ELN: variants seen among roughly 807,000 people sequenced by gnomAD.
ELN encodes tropoelastin.
ELN carries 65 observed loss-of-function variants against 105.8 expected under a neutral mutation model. The observed-to-expected ratio is 0.61, with a 90% CI of 0.50 to 0.75. The LOEUF is 0.75. ELN is among the 30% of genes least tolerant of loss of function. The pLI, the probability that ELN is intolerant of heterozygous loss-of-function variation, is 0.00. For missense variants in ELN, 882 were observed against 969.4 expected (o/e 0.91, Z 1.20); for synonymous variants, 368 against 389.2 (o/e 0.95, Z 0.64).
At position 74,028,316 on chromosome 7, in the gene ELN, C is replaced by A. The variant is rs1554660215; in HGVS notation, c.82+47C>A. 3 of 1,578,136 alleles carry A rather than the reference C, an allele frequency of 1.9e-6. No individual in the cohort carries two copies. The South Asian group carries it at 3.4e-5, about 18-fold the overall frequency. ...CCCCAGCGCTGCCCACAGCTGCGGG[C>A]CCTTTGGGCCAGGTGACTAGACGCT... On this transcript the variant is annotated intron_variant, in intron 1 of 32. Coordinates refer to ENST00000252034, the MANE Select transcript of ELN (RefSeq NM_000501.4).
rs1422408400 is a variant in ELN, at chr7:74,063,905, C to A, written c.1993+210C>A. ...ATCACTAGAGGTGAGGAGTTTGAGA[C>A]CAGCCTGGGTGACATGGCGAAACCT... is the stretch of plus-strand genomic sequence containing the variant. On this transcript the variant is annotated intron_variant, in intron 29 of 32. Coordinates refer to ENST00000252034, the MANE Select transcript of ELN (RefSeq NM_000501.4). The surrounding 1 kb of genome is among the most constrained non-coding windows in gnomAD (Gnocchi z 4.1). Among the ~76,000 whole-genome samples, 1 of 151,836 alleles carries A rather than the reference C, an allele frequency of 6.6e-6. No individual in the cohort carries two copies. Among genetic ancestry groups the A allele is most frequent in the African/African-American group, 2.4e-5 (1 of 41,324 alleles).
intron 1 of ELN, among the ~76,000 whole-genome samples, chr7:74,034,182 G>A (rs1005021594): frequency 2.6e-5 from 4 of 152,214 alleles, no homozygotes; most frequent in Admixed American, 6.5e-5. Context: ...GGCTGAGGAC[G>A]CTGACCTCAC....
At chr7:74,054,878 C>A in intron 19 of ELN, 109 bp downstream of exon 19, 1 of 1,263,262 alleles carries the variant, frequency 7.9e-7, no homozygotes, top group Non-Finnish European at 1.1e-6. Flanking sequence ...TGCCCAAGGT[C>A]ACCGAGCAAG....
intron 18 of ELN, among the ~76,000 whole-genome samples, 171 bp downstream of exon 18, chr7:74,053,480 A>G (rs1794570576): frequency 6.6e-6 from 1 of 151,884 alleles, no homozygotes; most frequent in African/African-American, 2.4e-5. Context: ...GGCTATACCA[A>G]TCTCCTTATT....
At position 74,053,743 on chromosome 7, in the gene ELN, G is replaced by A. The variant is rs536260310; in HGVS notation, c.1096+434G>A. Among the ~76,000 whole-genome samples the A allele has an allele frequency of 4.6e-5, 7 of 151,412 alleles. No individual in the cohort carries two copies. The South Asian group carries it at 8.4e-4, about 18-fold the overall frequency. On this transcript the variant is annotated intron_variant, in intron 18 of 32. Coordinates refer to ENST00000252034, the MANE Select transcript of ELN (RefSeq NM_000501.4). ...GGATGGGTGGGTGGATGGATGGATGGGTGGATGGGTGGGTGGATGGATGGA... is the reference window on the plus strand; with the variant it reads ...GGATGGGTGGGTGGATGGATGGATGAGTGGATGGGTGGGTGGATGGATGGA...
At position 74,056,436 on chromosome 7, in the gene ELN, G is replaced by A. The variant is rs782568267; in HGVS notation, c.1315+1G>A. 4.9e-5 allele frequency: 79 copies of A among 1,613,566 alleles called. No individual in the cohort carries two copies. Among genetic ancestry groups the A allele is most frequent in the East Asian group, 4.5e-5 (2 of 44,864 alleles). Reference sequence around the variant, plus strand: ...GGTGTCCCGGGAGTTGGCATTTCCCGTGAGCCTTAGTCACACCTGGGGACA... The same window carrying A: ...GGTGTCCCGGGAGTTGGCATTTCCCATGAGCCTTAGTCACACCTGGGGACA... On this transcript the variant is annotated splice_donor_variant, in intron 20 of 32. Transcript: ENST00000252034. LOFTEE classifies it high-confidence loss of function.
intron 8 of ELN, 187 bp downstream of exon 8, chr7:74,043,355 C>T (rs1047131224): frequency 5.9e-5 from 52 of 887,570 alleles, no homozygotes; most frequent in South Asian, 5.8e-4. Context: ...TGGCCCACTT[C>T]CCGGGCCCTT....
intron 10 of ELN, among the ~76,000 whole-genome samples, chr7:74,045,580 A>T (rs1229114623): frequency 6.6e-6 from 1 of 152,028 alleles, no homozygotes; most frequent in Non-Finnish European, 1.5e-5. Context: ...CTCTACAAAA[A>T]CATGATTAAA....
chr7:74,030,872 T>C (rs1249371942), intron 1 of ELN, among the ~76,000 whole-genome samples: 3 of 152,142 alleles, frequency 2.0e-5, no homozygotes, highest in Non-Finnish European at 4.4e-5. Flanking sequence ...CAAGAAGCAC[T>C]GGTTTAGAGG....
intron 9 of ELN, among the ~76,000 whole-genome samples, chr7:74,044,303 C>T (rs970842494): frequency 1.3e-5 from 2 of 152,002 alleles, no homozygotes; most frequent in Admixed American, 6.6e-5. Context: ...GTACCCCCCT[C>T]GCCTCCCCGA....
In ELN at chr7:74,046,736, G is replaced by A. The variant is rs370155634; in HGVS notation, c.612G>A (p.Leu204=). 2 of 1,614,166 alleles carry A rather than the reference G, an allele frequency of 1.2e-6. No individual in the cohort carries two copies. The highest frequency in any genetic ancestry group is 2.2e-5 in the East Asian group (1 of 44,888). The part of the protein sequence containing the change: ...PFGGPQPGVP[L]GYPIKAPKLP... ...GGGGACCGCAACCTGGAGTCCCACTGGGGTATCCCATCAAGGCCCCCAAGC... is the reference window on the plus strand; with the variant it reads ...GGGGACCGCAACCTGGAGTCCCACTAGGGTATCCCATCAAGGCCCCCAAGC... Residue 204 remains leucine, a synonymous_variant, in exon 12 of 33, where the codon CTG becomes CTA. Coordinates refer to ENST00000252034, the MANE Select transcript of ELN (RefSeq NM_000501.4).
chr7:74,028,313 G>A (rs782448509), intron 1 of ELN, 44 bp downstream of exon 1: 13 of 1,578,862 alleles, frequency 8.2e-6, no homozygotes, highest in African/African-American at 1.3e-5. Flanking sequence ...CCACAGCTGC[G>A]GGCCCTTTGG....
chr7:74,043,871 G>A lies in ELN; in HGVS notation c.428-8G>A. 1 of 1,613,988 alleles carries A rather than the reference G, an allele frequency of 6.2e-7. No individual in the cohort carries two copies. On this transcript the variant is annotated splice_region_variant and splice_polypyrimidine_tract_variant and intron_variant, in intron 8 of 32. Transcript: ENST00000252034. ...GCTGCTAGTAACTTTGCTTTCTTTT[G>A]GCCACAGGTGTGGGGCTGCCAGGTG...
chr7:74,063,928 C>T lies in ELN; in HGVS notation c.1993+233C>T, dbSNP rs1220506967. Among the ~76,000 whole-genome samples, 1 of 151,564 alleles carries T rather than the reference C, an allele frequency of 6.6e-6. No individual in the cohort carries two copies. The highest frequency in any genetic ancestry group is 2.4e-5 in the African/African-American group (1 of 41,200). On this transcript the variant is annotated intron_variant, in intron 29 of 32. Coordinates refer to ENST00000252034, the MANE Select transcript of ELN (RefSeq NM_000501.4). The surrounding 1 kb of genome is among the most constrained non-coding windows in gnomAD (Gnocchi z 4.1). Reference sequence around the variant, plus strand: ...GACCAGCCTGGGTGACATGGCGAAACCTCATCTCTACCAAAAATACAAAAA... The same window carrying T: ...GACCAGCCTGGGTGACATGGCGAAATCTCATCTCTACCAAAAATACAAAAA...
In ELN at chr7:74,046,646, G is replaced by A. The variant is rs1167593324; in HGVS notation, c.572-50G>A. 4.4e-6 allele frequency: 7 copies of A among 1,602,634 alleles called. No individual in the cohort carries two copies. In the Admixed American group the frequency reaches 1.2e-4, roughly 27 times the overall value. On this transcript the variant is annotated intron_variant, in intron 11 of 32. Transcript: ENST00000252034. ...GCAGAAAGTGGAGTGGGTGGCGGAG[G>A]GTTTGGAAGGGGGTGCTGGGACCTG...
chr7:74,054,852 G>A, intron 19 of ELN, 83 bp downstream of exon 19: 2 of 1,509,726 alleles, frequency 1.3e-6, no homozygotes, highest in Admixed American at 3.4e-5. Context: ...TACTTGCCCA[G>A]AGAAGGGAAG....
intron 1 of ELN, among the ~76,000 whole-genome samples, chr7:74,032,630 A>G (rs914112145): frequency 1.3e-5 from 2 of 152,166 alleles, no homozygotes; most frequent in African/African-American, 2.4e-5. Flanking sequence ...AGTTTGGCAA[A>G]TGCCACCATC....
chr7:74,063,800 C>G lies in ELN; in HGVS notation c.1993+105C>G, dbSNP rs1442193076. ...ACTTTCGTTCCCACCCCTGGCACGT[C>G]TTTGCTCAAGATGTCCTCTTGGCCA... On this transcript the variant is annotated intron_variant, in intron 29 of 32. Coordinates refer to ENST00000252034, the MANE Select transcript of ELN (RefSeq NM_000501.4). The surrounding 1 kb of genome is among the most constrained non-coding windows in gnomAD (Gnocchi z 4.1). 6.6e-7 allele frequency: 1 copy of G among 1,511,194 alleles called. No individual in the cohort carries two copies. The highest frequency in any genetic ancestry group is 9.1e-7 in the Non-Finnish European group (1 of 1,094,330). The allele number at this position is 1,511,194 out of a possible 1,614,324, so 93.6% of individuals were successfully genotyped here. A position where few individuals can be genotyped will look rare whatever the true frequency, so the allele number is the denominator to read the frequency against.
At chr7:74,043,545 C>T (rs987031792) in intron 8 of ELN, 1 of 666,920 alleles carries the variant, frequency 1.5e-6, no homozygotes, top group Non-Finnish European at 2.7e-6. Context: ...CCCCACCAAG[C>T]CCTTTAGGAA....
Sources: gnomAD v4.1 joint callset for allele counts (sites outside exome capture counted in the v4.1 genomes callset) on GRCh38, gnomAD v4.1.1 for gene constraint, Gnocchi (gnomAD v3.1) non-coding constraint, MANE v1.5 for transcripts, NCBI Gene and HGNC (gene_info 2026-07-23, HGNC 2026-07-21) for gene names.